The following MAGI2 variants were observed in gnomAD, a reference collection of about 807,000 sequenced individuals.
MAGI2 encodes the protein membrane associated guanylate kinase, WW and PDZ domain containing 2, also known as membrane-associated guanylate kinase, WW and PDZ domain-containing protein 2.
Under a neutral mutation model 133.3 loss-of-function variants are expected in MAGI2, and 35 were observed. The ratio of observed to expected loss-of-function variants is 0.26; its 90% CI spans 0.20 to 0.35. The LOEUF (loss-of-function observed/expected upper bound fraction) is 0.35, where lower values mean the gene tolerates loss of function less well. Among genes scored for constraint, MAGI2 ranks in the 10% least tolerant of loss-of-function variants. MAGI2 has a pLI of 1.00. For synonymous variants in MAGI2, 729 were observed against 710.6 expected (o/e 1.03, Z -0.41); for missense variants, 1,636 against 1,863.4 (o/e 0.88, Z 2.25).
At chr7:78,907,316 G>A (rs1361906053) in intron 2 of MAGI2, among the ~76,000 whole-genome samples, 2 of 152,198 alleles carry the variant, frequency 1.3e-5, no homozygotes, top group African/African-American at 4.8e-5. Context: ...AAGGTAGGAT[G>A]AGAATTTAAT....
intron 21 of MAGI2, among the ~76,000 whole-genome samples, chr7:78,023,202 G>C (rs1432283436): frequency 6.6e-6 from 1 of 152,198 alleles, no homozygotes; most frequent in Non-Finnish European, 1.5e-5. Flanking sequence ...GCCTCAGCAA[G>C]GTGACACAGA....
chr7:78,285,882 G>A (rs1184890370), intron 9 of MAGI2: 2 of 150,054 alleles, frequency 1.3e-5, no homozygotes. Flanking sequence ...AGAAATATCA[G>A]GGCAGCTTTT....
At chr7:79,124,193 G>C (rs1328086440) in intron 1 of MAGI2, among the ~76,000 whole-genome samples, 1 of 152,060 alleles carries the variant, frequency 6.6e-6, no homozygotes, top group East Asian at 1.9e-4. Flanking sequence ...TATTATTTTA[G>C]CCAAAATATA....
chr7:78,122,222 T>C (rs1820541506), intron 20 of MAGI2, among the ~76,000 whole-genome samples: 1 of 152,216 alleles, frequency 6.6e-6, no homozygotes, highest in Non-Finnish European at 1.5e-5. Context: ...CCTTGAATCA[T>C]GGTTAGTATT....
chr7:78,551,598 G>T (rs754706757), intron 3 of MAGI2, among the ~76,000 whole-genome samples: 1 of 152,242 alleles, frequency 6.6e-6, no homozygotes, highest in Non-Finnish European at 1.5e-5. Flanking sequence ...AGAGAAGACA[G>T]TTCTGAGGAG....
chr7:78,612,969 C>T (rs537151418), intron 3 of MAGI2, among the ~76,000 whole-genome samples: 2 of 151,852 alleles, frequency 1.3e-5, no homozygotes, highest in South Asian at 4.2e-4. Flanking sequence ...CGCGCCAGGC[C>T]GAAAATGACG....
At chr7:78,092,676 T>G (rs945363598) in intron 20 of MAGI2, among the ~76,000 whole-genome samples, 3 of 152,204 alleles carry the variant, frequency 2.0e-5, no homozygotes, top group Non-Finnish European at 2.9e-5. Context: ...TCTGGTTTAT[T>G]GTAGCTTTGC....
At chr7:78,152,165 C>T (rs1400538734) in intron 16 of MAGI2, among the ~76,000 whole-genome samples, 1 of 152,122 alleles carries the variant, frequency 6.6e-6, no homozygotes, top group African/African-American at 2.4e-5. Flanking sequence ...GTCTCCACCT[C>T]CTAGGGGTGC....
At chr7:78,160,622 A>G (rs1268064400) in intron 15 of MAGI2, among the ~76,000 whole-genome samples, 1 of 152,220 alleles carries the variant, frequency 6.6e-6, no homozygotes, top group East Asian at 1.9e-4. Flanking sequence ...TTTACTGAAG[A>G]TGGTCACAAA....
chr7:78,633,562 C>G (rs1020499773), intron 2 of MAGI2, among the ~76,000 whole-genome samples: 4 of 151,822 alleles, frequency 2.6e-5, no homozygotes, highest in Admixed American at 6.6e-5. Context: ...AAAAATTAGC[C>G]GGGCGTGGTG....
intron 1 of MAGI2, among the ~76,000 whole-genome samples, chr7:79,388,289 T>C (rs1844341206): frequency 6.6e-6 from 1 of 152,028 alleles, no homozygotes; most frequent in Admixed American, 6.6e-5. Context: ...CATTGAAATG[T>C]ATCCTAAGCT....
At chr7:78,201,031 G>A (rs1036261794) in intron 11 of MAGI2, 131 bp downstream of exon 11, 3 of 610,176 alleles carry the variant, frequency 4.9e-6, no homozygotes, top group Non-Finnish European at 5.7e-6. Flanking sequence ...AGGACACAGA[G>A]GATTTATTTT....
intron 1 of MAGI2, among the ~76,000 whole-genome samples, chr7:79,114,758 C>T (rs935099688): frequency 6.6e-6 from 1 of 152,126 alleles, no homozygotes; most frequent in Non-Finnish European, 1.5e-5. Flanking sequence ...AAAATACTCT[C>T]ACTTTGAGCT....
intron 1 of MAGI2, among the ~76,000 whole-genome samples, chr7:79,201,458 C>T (rs1828608559): frequency 6.6e-6 from 1 of 151,926 alleles, no homozygotes; most frequent in East Asian, 1.9e-4. Context: ...CAATATCAAT[C>T]TTTCTTTGGA....
At chr7:79,076,479 A>G (rs559599552) in intron 1 of MAGI2, among the ~76,000 whole-genome samples, 1 of 152,366 alleles carries the variant, frequency 6.6e-6, no homozygotes, top group East Asian at 1.9e-4. Context: ...GATAGAGCTT[A>G]GCAGGGTTCT....
intron 6 of MAGI2, among the ~76,000 whole-genome samples, chr7:78,474,146 A>C (rs535769466): frequency 6.6e-6 from 1 of 150,780 alleles, no homozygotes; most frequent in East Asian, 2.0e-4. Context: ...TATGACTATA[A>C]GATTAAACCA....
At chr7:78,501,886 C>G in intron 4 of MAGI2, 99 bp from the exon 5 acceptor site, 1 of 824,682 alleles carries the variant, frequency 1.2e-6, no homozygotes, top group Non-Finnish European at 2.0e-6. Flanking sequence ...TCATGAATAA[C>G]TTCTATGAAG....
chr7:78,188,083 C>A (rs1435239110), intron 12 of MAGI2, among the ~76,000 whole-genome samples: 1 of 152,040 alleles, frequency 6.6e-6, no homozygotes, highest in Non-Finnish European at 1.5e-5. Context: ...GATCTAATTT[C>A]TAAAATACAT....
intron 3 of MAGI2, among the ~76,000 whole-genome samples, chr7:78,562,397 C>A (rs1800499249): frequency 6.6e-6 from 1 of 152,144 alleles, no homozygotes. Flanking sequence ...CACACAAAAG[C>A]CAGCAGAATT....
Sources: allele counts gnomAD v4.1 joint callset (sites outside exome capture counted in the v4.1 genomes callset), GRCh38; gene constraint gnomAD v4.1.1; transcripts MANE v1.5; gene names NCBI Gene and HGNC (gene_info 2026-07-23, HGNC 2026-07-21).